The following ATRNL1 variants were observed in gnomAD, a reference collection of about 807,000 sequenced individuals.
ATRNL1 encodes attractin-like protein 1.
Under a neutral mutation model 182.7 loss-of-function variants are expected in ATRNL1, and 95 were observed. That is an observed-to-expected ratio of 0.52 (90% CI 0.44 to 0.62). The LOEUF is 0.62. Ranked by LOEUF, ATRNL1 falls within the 20% of genes least tolerant of loss-of-function variation. The pLI is 0.00. For synonymous variants in ATRNL1, 576 were observed against 568.3 expected (o/e 1.01, Z -0.19); for missense variants, 1,471 against 1,679.5 (o/e 0.88, Z 2.17).
chr10:115,145,114 C>A (rs1328555844), intron 5 of ATRNL1, among the ~76,000 whole-genome samples: 2 of 151,976 alleles, frequency 1.3e-5, no homozygotes, highest in African/African-American at 4.8e-5. Context: ...TACGATTATT[C>A]AAAAATCTGG....
chr10:115,302,922 A>ACTTAGCTAGCTTCTTCAT (rs1853548378), intron 17 of ATRNL1, among the ~76,000 whole-genome samples: 1 of 152,132 alleles, frequency 6.6e-6, no homozygotes, highest in African/African-American at 2.4e-5. Context: ...ATCTTTCTGC[A>ACTTAGCTAGCTTCTTCAT]ATCCACTCTT....
At chr10:115,105,574 G>A (rs544857985) in intron 1 of ATRNL1, among the ~76,000 whole-genome samples, 1 of 152,344 alleles carries the variant, frequency 6.6e-6, no homozygotes, top group South Asian at 2.1e-4. Flanking sequence ...AGGCCTGGAG[G>A]CATAGGAGGA....
chr10:115,381,336 G>A (rs1431969018), intron 19 of ATRNL1, among the ~76,000 whole-genome samples: 5 of 151,132 alleles, frequency 3.3e-5, no homozygotes, highest in African/African-American at 1.2e-4. Flanking sequence ...GCACAATCTC[G>A]ACTCACTGCA....
chr10:115,901,929 A>T (rs1236124122), intron 28 of ATRNL1, among the ~76,000 whole-genome samples: 2 of 152,130 alleles, frequency 1.3e-5, no homozygotes, highest in African/African-American at 4.8e-5. Flanking sequence ...TTTGTTAAAG[A>T]TTGACCTAGG....
chr10:115,793,162 T>G (rs2134215855), intron 27 of ATRNL1, among the ~76,000 whole-genome samples: 1 of 152,210 alleles, frequency 6.6e-6, no homozygotes, highest in Admixed American at 6.5e-5. Context: ...GTTGCAAGAC[T>G]TCAATGAAAA....
At chr10:115,388,034 G>T (rs1188740311) in intron 19 of ATRNL1, among the ~76,000 whole-genome samples, 1 of 152,270 alleles carries the variant, frequency 6.6e-6, no homozygotes, top group Non-Finnish European at 1.5e-5. Context: ...GTGACATAAT[G>T]CATGATTATG....
intron 26 of ATRNL1, among the ~76,000 whole-genome samples, chr10:115,628,446 G>A (rs1005647148): frequency 6.6e-6 from 1 of 152,032 alleles, no homozygotes; most frequent in Non-Finnish European, 1.5e-5. Context: ...TTGTTGCATT[G>A]TAAGGGTTTT....
chr10:115,194,706 G>A (rs574351053), intron 8 of ATRNL1, among the ~76,000 whole-genome samples: 18 of 151,638 alleles, frequency 1.2e-4, no homozygotes, highest in East Asian at 1.9e-4. Context: ...TTATTGATTC[G>A]TAAGAACTTA....
chr10:115,799,674 A>G (rs897163132), intron 27 of ATRNL1, among the ~76,000 whole-genome samples: 4 of 152,170 alleles, frequency 2.6e-5, no homozygotes, highest in Non-Finnish European at 5.9e-5. Flanking sequence ...ATTTGCATCA[A>G]ATAGACTCAG....
intron 19 of ATRNL1, among the ~76,000 whole-genome samples, chr10:115,343,219 ATC>A (rs1332335817): frequency 6.6e-6 from 1 of 152,020 alleles, no homozygotes; most frequent in African/African-American, 2.4e-5. Flanking sequence ...TTCTACCCTT[ATC>A]TGTTTCACTT....
At chr10:115,219,512 C>T (rs782318872) in intron 9 of ATRNL1, among the ~76,000 whole-genome samples, 12 of 152,076 alleles carry the variant, frequency 7.9e-5, no homozygotes, top group Non-Finnish European at 1.5e-4. Flanking sequence ...TCCATTTGTG[C>T]GTATATTGAC....
At chr10:115,272,702 G>A (rs373310751) in intron 13 of ATRNL1, among the ~76,000 whole-genome samples, 6 of 152,102 alleles carry the variant, frequency 3.9e-5, no homozygotes, top group East Asian at 1.9e-4. Flanking sequence ...TGGCTTTCTG[G>A]AGAACCCTTC....
intron 13 of ATRNL1, among the ~76,000 whole-genome samples, chr10:115,275,845 A>G (rs1852081491): frequency 6.6e-6 from 1 of 152,170 alleles, no homozygotes; most frequent in Non-Finnish European, 1.5e-5. Context: ...AATGTCTTCT[A>G]TATTAAACCA....
chr10:115,380,110 G>A (rs560048576), intron 19 of ATRNL1, among the ~76,000 whole-genome samples: 2 of 152,286 alleles, frequency 1.3e-5, no homozygotes, highest in African/African-American at 2.4e-5. Flanking sequence ...GATTACAGTC[G>A]TGAGCCGCCG....
At chr10:115,709,161 T>C (rs1464595549) in intron 26 of ATRNL1, among the ~76,000 whole-genome samples, 7 of 151,868 alleles carry the variant, frequency 4.6e-5, no homozygotes, top group African/African-American at 1.7e-4. Flanking sequence ...TACAAATTCA[T>C]TGACTTTATA....
chr10:115,854,974 A>G (rs911286302), intron 28 of ATRNL1, among the ~76,000 whole-genome samples: 3 of 152,084 alleles, frequency 2.0e-5, no homozygotes, highest in Non-Finnish European at 4.4e-5. Context: ...GCCTGTTGAA[A>G]TAGGTCCAGA....
intron 24 of ATRNL1, among the ~76,000 whole-genome samples, chr10:115,470,023 G>A (rs1250485005): frequency 6.7e-6 from 1 of 150,210 alleles, no homozygotes; most frequent in African/African-American, 2.4e-5. Flanking sequence ...TTAGTTATTC[G>A]AATAGCTTAT....
At chr10:115,631,410 A>G (rs1858499867) in intron 26 of ATRNL1, among the ~76,000 whole-genome samples, 1 of 152,130 alleles carries the variant, frequency 6.6e-6, no homozygotes, top group South Asian at 2.1e-4. Flanking sequence ...GAGCCTTAAG[A>G]TATTACACAT....
At chr10:115,498,032 A>G (rs1849640021) in intron 24 of ATRNL1, among the ~76,000 whole-genome samples, 1 of 152,202 alleles carries the variant, frequency 6.6e-6, no homozygotes, top group African/African-American at 2.4e-5. Flanking sequence ...GAGTCTTCTC[A>G]AAGAATAAAT....
Sources: allele counts gnomAD v4.1 joint callset (sites outside exome capture counted in the v4.1 genomes callset), GRCh38; gene constraint gnomAD v4.1.1; transcripts MANE v1.5; gene names NCBI Gene and HGNC (gene_info 2026-07-23, HGNC 2026-07-21).